Variants in NRG3 observed in about 807,000 individuals in gnomAD.
NRG3 encodes pro-neuregulin-3, membrane-bound isoform.
NRG3 carries 31 observed loss-of-function variants against 66.9 expected under a neutral mutation model. The ratio of observed to expected loss-of-function variants is 0.46; its 90% CI spans 0.35 to 0.63. The LOEUF is 0.63. Among genes scored for constraint, NRG3 ranks in the 20% least tolerant of loss-of-function variants. The pLI is 0.00. For synonymous variants in NRG3, 393 were observed against 359.4 expected (o/e 1.09, Z -1.06); for missense variants, 910 against 878.9 (o/e 1.04, Z -0.45).
At chr10:82,809,956 A>G (rs1378648703) in intron 3 of NRG3, among the ~76,000 whole-genome samples, 1 of 150,156 alleles carries the variant, frequency 6.7e-6, no homozygotes, top group African/African-American at 2.5e-5. Context: ...TTTTTTTCTT[A>G]TAACTTGTTG....
intron 2 of NRG3, among the ~76,000 whole-genome samples, chr10:82,551,876 TA>T (rs1291440047): frequency 6.6e-6 from 1 of 151,242 alleles, no homozygotes; most frequent in Non-Finnish European, 1.5e-5. Flanking sequence ...TTTATCCAAC[TA>T]TTTTTTTTCT....
At chr10:82,277,120 A>T (rs1414755) in intron 1 of NRG3, among the ~76,000 whole-genome samples, 23,742 of 151,872 alleles carry the variant, frequency 0.16, 4,558 homozygotes, top group African/African-American at 0.46. Context: ...GCTTCTTTCA[A>T]ATTGGTCATT....
chr10:82,764,329 C>A (rs145367946), intron 3 of NRG3, among the ~76,000 whole-genome samples: 298 of 151,996 alleles, frequency 2.0e-3, no homozygotes, highest in African/African-American at 6.9e-3. Context: ...GCCACCAGAC[C>A]CGGCTTCACA....
chr10:82,856,748 AAAAAAAAC>A (rs1482684736), intron 3 of NRG3, among the ~76,000 whole-genome samples: 1 of 131,900 alleles, frequency 7.6e-6, no homozygotes, highest in Admixed American at 7.4e-5. Context: ...TGTCTCAAAA[AAAAAAAAC>A]AAAAAAAAAA....
chr10:82,980,684 C>T (rs1207182211), intron 8 of NRG3, among the ~76,000 whole-genome samples: 3 of 152,218 alleles, frequency 2.0e-5, no homozygotes, highest in South Asian at 4.2e-4. Flanking sequence ...AATAAATGGC[C>T]GGTGGCTAGG....
At chr10:82,341,163 G>T (rs964533237) in intron 1 of NRG3, among the ~76,000 whole-genome samples, 3 of 152,118 alleles carry the variant, frequency 2.0e-5, no homozygotes, top group African/African-American at 4.8e-5. Flanking sequence ...TAACATTGGT[G>T]TTGGGTAGAT....
At chr10:81,886,727 TGATA>T (rs1377645844) in intron 1 of NRG3, among the ~76,000 whole-genome samples, 3 of 152,180 alleles carry the variant, frequency 2.0e-5, no homozygotes, top group Non-Finnish European at 4.4e-5. Flanking sequence ...TTTACCCATG[TGATA>T]GATATTACAA....
intron 4 of NRG3, among the ~76,000 whole-genome samples, chr10:82,912,555 G>A (rs1845420962): frequency 6.6e-6 from 1 of 152,028 alleles, no homozygotes; most frequent in Admixed American, 6.5e-5. Context: ...TATTTAAAGT[G>A]AGTTTCCTAA....
intron 2 of NRG3, among the ~76,000 whole-genome samples, chr10:82,435,507 C>T (rs1344635493): frequency 1.3e-5 from 2 of 151,926 alleles, no homozygotes; most frequent in African/African-American, 2.4e-5. Flanking sequence ...TTAGTTTGCT[C>T]TTGCCTCTCT....
intron 3 of NRG3, among the ~76,000 whole-genome samples, chr10:82,766,152 G>A (rs1450996056): frequency 1.3e-5 from 2 of 152,084 alleles, no homozygotes; most frequent in South Asian, 2.1e-4. Context: ...TAGTTATTTT[G>A]ATACATTTGT....
At chr10:82,198,718 G>C (rs963439780) in intron 1 of NRG3, among the ~76,000 whole-genome samples, 98 of 152,238 alleles carry the variant, frequency 6.4e-4, no homozygotes, top group African/African-American at 2.2e-3. Context: ...AACTTAAGGG[G>C]CCGGGCACGG....
intron 1 of NRG3, among the ~76,000 whole-genome samples, chr10:82,226,592 A>T (rs2076172951): frequency 6.6e-6 from 1 of 152,172 alleles, no homozygotes; most frequent in African/African-American, 2.4e-5. Context: ...GAGGATAATT[A>T]TTAGCAGGTC....
rs112884016 is a variant in NRG3 at position 82,970,078 on chromosome 10, T to C, written c.1285-3710T>C. Among the ~76,000 whole-genome samples, 1,226 of 152,280 alleles carry C rather than the reference T, an allele frequency of 8.1e-3. 22 individuals carry two copies. Among genetic ancestry groups the C allele is most frequent in the African/African-American group, 0.029 (1,185 of 41,560 alleles). ...TTTTTCACTTTTGTGTTTATTTCCG[T>C]TTCGTTATGGACAATTGTGCTGCTG... is the stretch of plus-strand genomic sequence containing the variant. On this transcript the variant is annotated intron_variant, in intron 6 of 8. Coordinates refer to ENST00000372141, the MANE Select transcript of NRG3 (RefSeq NM_001010848.4).
rs772341454 is a variant in NRG3 at position 82,757,182 on chromosome 10, G to A, written c.1027+18532G>A. 5.3e-5 allele frequency among the ~76,000 whole-genome samples: 8 copies of A among 152,044 alleles called. No individual in the cohort carries two copies. The South Asian group carries it at 1.0e-3, about 20-fold the overall frequency. ...TACTCACATAAAATGAGCAAAAAACGATAGTCCTCTTCAGGAAGAGATTAT... is the reference window on the plus strand; with the variant it reads ...TACTCACATAAAATGAGCAAAAAACAATAGTCCTCTTCAGGAAGAGATTAT... On this transcript the variant is annotated intron_variant, in intron 3 of 8. Transcript: ENST00000372141.
intron 2 of NRG3, among the ~76,000 whole-genome samples, chr10:82,501,835 T>C (rs555545433): frequency 1.3e-5 from 2 of 152,328 alleles, no homozygotes; most frequent in African/African-American, 4.8e-5. Context: ...AATATTTTTA[T>C]CCTGCATATT....
intron 3 of NRG3, among the ~76,000 whole-genome samples, chr10:82,765,399 G>T (rs1251206139): frequency 6.6e-6 from 1 of 152,012 alleles, no homozygotes; most frequent in Non-Finnish European, 1.5e-5. Context: ...ACTTACACAT[G>T]ATACAAATGT....
At chr10:82,610,310 C>T (rs1243786323) in intron 2 of NRG3, among the ~76,000 whole-genome samples, 1 of 63,806 alleles carries the variant, frequency 1.6e-5, no homozygotes, top group Non-Finnish European at 2.8e-5. Flanking sequence ...ACCCTCTTGC[C>T]GTGTAAAGCA....
At chr10:82,030,465 G>A (rs10884061) in intron 1 of NRG3, among the ~76,000 whole-genome samples, 29,539 of 151,950 alleles carry the variant, frequency 0.19, 3,053 homozygotes, top group East Asian at 0.41. Flanking sequence ...GAGTTAGTGC[G>A]CCTGGCTTAT....
intron 1 of NRG3, among the ~76,000 whole-genome samples, chr10:81,980,805 C>T (rs369967728): frequency 4.8e-4 from 73 of 152,284 alleles, no homozygotes; most frequent in African/African-American, 1.7e-3. Context: ...CTGGCTTGGC[C>T]TGCAGATGGC....
Sources: gnomAD v4.1 joint callset for allele counts (sites outside exome capture counted in the v4.1 genomes callset) on GRCh38, gnomAD v4.1.1 for gene constraint, MANE v1.5 for transcripts, NCBI Gene and HGNC (gene_info 2026-07-23, HGNC 2026-07-21) for gene names.